NTM: variants seen among roughly 807,000 people sequenced by gnomAD.
The protein encoded by NTM is IgLON family member 2.
In NTM, 13 loss-of-function variants were observed where a neutral mutation model predicts 42.1. The observed-to-expected ratio is 0.31, with a 90% CI of 0.20 to 0.49. The LOEUF (loss-of-function observed/expected upper bound fraction) is 0.49. Ranked by LOEUF, NTM falls within the 20% of genes least tolerant of loss-of-function variation. The pLI is 0.99. For missense variants in NTM, 373 were observed against 452.8 expected (o/e 0.82, Z 1.60); for synonymous variants, 187 against 179.2 (o/e 1.04, Z -0.35).
intron 4 of NTM, among the ~76,000 whole-genome samples, chr11:132,283,525 G>C (rs73597267): frequency 6.6e-6 from 1 of 152,016 alleles, no homozygotes; most frequent in Non-Finnish European, 1.5e-5. Context: ...CAAGGAGCTC[G>C]GGATGATGTG....
chr11:131,804,274 G>A (rs766533452), intron 1 of NTM, among the ~76,000 whole-genome samples: 8 of 152,100 alleles, frequency 5.3e-5, no homozygotes, highest in African/African-American at 1.2e-4. Context: ...ATAAAAAGCC[G>A]TTAATGATAC....
intron 1 of NTM, among the ~76,000 whole-genome samples, chr11:131,471,554 G>A (rs141100407): frequency 0.012 from 1,877 of 152,320 alleles, 40 homozygotes; most frequent in African/African-American, 0.043. Context: ...CAGGGTGGCC[G>A]TGAGGGAATT....
chr11:131,928,293 A>G (rs945098515), intron 2 of NTM, among the ~76,000 whole-genome samples: 5 of 152,248 alleles, frequency 3.3e-5, no homozygotes, highest in African/African-American at 9.6e-5. Flanking sequence ...TTACATTAAG[A>G]CAAGATATAA....
intron 1 of NTM, among the ~76,000 whole-genome samples, chr11:131,857,332 T>C (rs2046204828): frequency 2.0e-5 from 3 of 152,202 alleles, no homozygotes; most frequent in Admixed American, 2.0e-4. Flanking sequence ...TGCCTTGCCT[T>C]CCATGGCTGT....
chr11:131,678,461 T>C (rs1440136387), intron 1 of NTM, among the ~76,000 whole-genome samples: 1 of 152,250 alleles, frequency 6.6e-6, no homozygotes, highest in African/African-American at 2.4e-5. Context: ...CAAGGTCTTC[T>C]GAGTCCTGCT....
intron 2 of NTM, among the ~76,000 whole-genome samples, chr11:132,012,544 T>G (rs546143283): frequency 1.3e-5 from 2 of 152,178 alleles, no homozygotes; most frequent in East Asian, 3.8e-4. Context: ...TTTCTAAACA[T>G]GTTTTTTCTC....
chr11:131,901,385 C>T (rs2053137094), intron 1 of NTM, among the ~76,000 whole-genome samples: 1 of 152,174 alleles, frequency 6.6e-6, no homozygotes, highest in South Asian at 2.1e-4. Context: ...TATATTTGGC[C>T]ACTTTTCCAC....
intron 1 of NTM, among the ~76,000 whole-genome samples, chr11:131,807,126 G>C (rs764381870): frequency 4.5e-4 from 68 of 152,190 alleles, no homozygotes; most frequent in South Asian, 1.0e-3. Context: ...GAGCACAAAG[G>C]CCCTGCCTCC....
intron 3 of NTM, among the ~76,000 whole-genome samples, chr11:132,203,835 C>G (rs1475895391): frequency 6.6e-6 from 1 of 151,980 alleles, no homozygotes; most frequent in African/African-American, 2.4e-5. Flanking sequence ...GGAGGTGGAG[C>G]TTGCAGTGAG....
chr11:131,823,563 ATTC>A (rs1196026161), intron 1 of NTM, among the ~76,000 whole-genome samples: 1 of 152,178 alleles, frequency 6.6e-6, no homozygotes, highest in African/African-American at 2.4e-5. Flanking sequence ...ACTACAAATA[ATTC>A]TTCTTCCTTG....
chr11:132,205,204 G>A (rs1254617727), intron 3 of NTM, among the ~76,000 whole-genome samples: 5 of 152,190 alleles, frequency 3.3e-5, no homozygotes, highest in Admixed American at 6.5e-5. Context: ...AGCCATCTGG[G>A]ATCTGTAGAT....
intron 1 of NTM, among the ~76,000 whole-genome samples, chr11:131,412,511 G>A (rs1046653168): frequency 6.6e-6 from 1 of 152,080 alleles, no homozygotes; most frequent in Non-Finnish European, 1.5e-5. Context: ...ACATATTCTA[G>A]AATATTAAGA....
At position 132,305,771 on chromosome 11, in the gene NTM, C is replaced by T. The variant is rs116165288; in HGVS notation, c.527-1918C>T. Among the ~76,000 whole-genome samples, 253 of 152,300 alleles carry T rather than the reference C, an allele frequency of 1.7e-3. 1 individual carries two copies. The highest frequency in any genetic ancestry group is 5.9e-3 in the African/African-American group (245 of 41,570). On this transcript the variant is annotated intron_variant, in intron 4 of 8. Transcript: ENST00000683400. ...GTACCTTTCCCCTAAAGATGCTTAT[C>T]AAACAATATTCATAAAGGCTACTGA...
intron 4 of NTM, among the ~76,000 whole-genome samples, chr11:132,226,061 A>C (rs1378989006): frequency 6.6e-6 from 1 of 152,194 alleles, no homozygotes; most frequent in Non-Finnish European, 1.5e-5. Flanking sequence ...TTATGGCTGC[A>C]TAGTATTCCA....
At chr11:131,758,470 A>T (rs2083634180) in intron 1 of NTM, among the ~76,000 whole-genome samples, 1 of 152,192 alleles carries the variant, frequency 6.6e-6, no homozygotes, top group Non-Finnish European at 1.5e-5. Context: ...CTGTTTCTTC[A>T]GCAGGAAATA....
chr11:131,442,341 C>T (rs987160478), intron 1 of NTM, among the ~76,000 whole-genome samples: 2 of 152,146 alleles, frequency 1.3e-5, no homozygotes, highest in African/African-American at 2.4e-5. Flanking sequence ...TCCTCCTCAT[C>T]GATGACAGCA....
chr11:132,057,440 G>T (rs1371121060), intron 2 of NTM, among the ~76,000 whole-genome samples: 5 of 152,166 alleles, frequency 3.3e-5, no homozygotes, highest in Non-Finnish European at 5.9e-5. Context: ...TTCAAGAATT[G>T]TAGTAATGTC....
chr11:132,246,785 G>A (rs1468714815), intron 4 of NTM, among the ~76,000 whole-genome samples: 7 of 152,092 alleles, frequency 4.6e-5, no homozygotes, highest in Non-Finnish European at 8.8e-5. Context: ...CCTTTCACAC[G>A]CCAGTCACAT....
At chr11:131,837,680 C>T (rs368581040) in intron 1 of NTM, among the ~76,000 whole-genome samples, 2 of 152,166 alleles carry the variant, frequency 1.3e-5, no homozygotes, top group East Asian at 3.9e-4. Flanking sequence ...CGGGCCCCAA[C>T]TCCTGGGTGG....
Sources: allele counts gnomAD v4.1 joint callset (sites outside exome capture counted in the v4.1 genomes callset), GRCh38; gene constraint gnomAD v4.1.1; transcripts MANE v1.5; gene names NCBI Gene and HGNC (gene_info 2026-07-23, HGNC 2026-07-21).